The following PCDHGB2 variants were observed in gnomAD, a reference collection of about 807,000 sequenced individuals.
PCDHGB2 encodes protocadherin gamma-B2.
In PCDHGB2, 55 loss-of-function variants were observed where a neutral mutation model predicts 59.3. The observed-to-expected ratio is 0.93, with a 90% CI of 0.75 to 1.16. The LOEUF (loss-of-function observed/expected upper bound fraction) is 1.16. Among genes scored for constraint, PCDHGB2 ranks in the 50% most tolerant of loss-of-function variants. The pLI, the probability that PCDHGB2 is intolerant of heterozygous loss-of-function variation, is 0.00. For synonymous variants in PCDHGB2, 516 were observed against 512.0 expected, an observed-to-expected ratio of 1.01 and a Z score of -0.11; for missense variants, 1,228 against 1,198.5, an observed-to-expected ratio of 1.02 and a Z score of -0.36.
intron 1 of PCDHGB2, chr5:141,419,377 C>A (rs2096371335): frequency 6.2e-7 from 1 of 1,613,572 alleles, no homozygotes; most frequent in African/African-American, 1.3e-5. Flanking sequence ...CCTACGTGTC[C>A]GTGAGCGCGC....
chr5:141,388,923 T>C (rs374663443), intron 1 of PCDHGB2: 7 of 1,614,002 alleles, frequency 4.3e-6, no homozygotes, highest in East Asian at 2.2e-5. Context: ...AGAAGTGATA[T>C]TCCAGTCTCT....
chr5:141,504,224 C>T (rs2099836716), intron 2 of PCDHGB2, among the ~76,000 whole-genome samples: 2 of 152,160 alleles, frequency 1.3e-5, no homozygotes, highest in African/African-American at 4.8e-5. Flanking sequence ...TAGAGCTGAA[C>T]CTTCTAAGAA....
chr5:141,373,994 G>C lies in PCDHGB2; in HGVS notation c.2421+11438G>C, dbSNP rs1355942933. 8.0e-6 allele frequency: 10 copies of C among 1,243,924 alleles called. 1 individual carries two copies. Among genetic ancestry groups the C allele is most frequent in the African/African-American group, 3.0e-5 (2 of 65,694 alleles). The allele number at this position is 1,243,924 out of a possible 1,614,324, so 77.1% of individuals were successfully genotyped here. A position where few individuals can be genotyped will look rare whatever the true frequency, so the allele number is the denominator to read the frequency against. On this transcript the variant is annotated intron_variant, in intron 1 of 3. Transcript: ENST00000522605. ...CGCATCCGGTCTCTGCTTGTTGAAG[G>C]ACCTTCACCGCTATTTCTGAGAAGA...
chr5:141,393,382 T>C (rs778957877), intron 1 of PCDHGB2: 7 of 1,613,948 alleles, frequency 4.3e-6, no homozygotes, highest in Non-Finnish European at 5.9e-6. Flanking sequence ...AATGGAGCCA[T>C]AAACCCAGAG....
At position 141,381,228 on chromosome 5, in the gene PCDHGB2, A is replaced by G. The variant is rs182297381; in HGVS notation, c.2421+18672A>G. ...TCTGGATTCTCCTCCTGGTTCCACC[A>G]ACTACTCTCCAGGACCTAGAAGAAT... On this transcript the variant is annotated intron_variant, in intron 1 of 3. Transcript: ENST00000522605. Among the ~76,000 whole-genome samples, 8 of 152,396 alleles carry G rather than the reference A, an allele frequency of 5.2e-5. No individual in the cohort carries two copies. In the East Asian group the frequency reaches 1.5e-3, roughly 29 times the overall value.
At position 141,489,924 on chromosome 5, in the gene PCDHGB2, C is replaced by G. The variant is rs755286650; in HGVS notation, c.2422-4883C>G. ...CAGCCCGCTCAGGGACCACCCTTAT[C>G]TCTGTCATCGTGCTGGACATCAATG... is the stretch of plus-strand genomic sequence containing the variant. On this transcript the variant is annotated intron_variant, in intron 1 of 3. Transcript: ENST00000522605. This position sits in a 1 kb window ranked among gnomAD's most constrained non-coding sequence, Gnocchi z 4.5. 22 of 1,614,226 alleles carry G rather than the reference C, an allele frequency of 1.4e-5. No homozygotes were observed. The highest frequency in any genetic ancestry group is 1.9e-5 in the Non-Finnish European group (22 of 1,180,030).
intron 1 of PCDHGB2, chr5:141,423,333 C>T (rs761192305): frequency 3.1e-6 from 5 of 1,614,184 alleles, no homozygotes; most frequent in Non-Finnish European, 4.2e-6. Context: ...CCGCAGTCTC[C>T]TGCATCTTCC....
intron 1 of PCDHGB2, chr5:141,393,263 A>T: frequency 6.2e-7 from 1 of 1,613,926 alleles, no homozygotes; most frequent in African/African-American, 1.3e-5. Flanking sequence ...TTCCTGGAGC[A>T]CGTTATCCAC....
intron 1 of PCDHGB2, chr5:141,384,835 G>T: frequency 1.2e-6 from 2 of 1,613,468 alleles, no homozygotes; most frequent in Middle Eastern, 1.7e-4. Flanking sequence ...CGTGGTGGCC[G>T]TCCAGGACCA....
intron 1 of PCDHGB2, chr5:141,422,658 C>T (rs2096662185): frequency 6.2e-7 from 1 of 1,609,912 alleles, no homozygotes; most frequent in Non-Finnish European, 8.5e-7. Context: ...CAGTGACCGC[C>T]CTCGACCCGG....
intron 1 of PCDHGB2, among the ~76,000 whole-genome samples, chr5:141,470,451 T>C (rs2099230860): frequency 6.6e-6 from 1 of 152,210 alleles, no homozygotes; most frequent in Non-Finnish European, 1.5e-5. Context: ...AATAGCATCT[T>C]GAATAGGATT....
intron 1 of PCDHGB2, chr5:141,395,376 T>G (rs1589259426): frequency 1.7e-6 from 2 of 1,180,196 alleles, no homozygotes; most frequent in East Asian, 5.2e-5. Flanking sequence ...TTTGGTGGTG[T>G]TACTATAAAA....
chr5:141,469,676 A>G (rs1227075639), intron 1 of PCDHGB2, among the ~76,000 whole-genome samples: 1 of 152,250 alleles, frequency 6.6e-6, no homozygotes, highest in African/African-American at 2.4e-5. Context: ...ATAAAACTAC[A>G]TATGCATTGG....
At chr5:141,478,117 C>T (rs1419172538) in intron 1 of PCDHGB2, 2 of 1,614,058 alleles carry the variant, frequency 1.2e-6, no homozygotes, top group East Asian at 4.5e-5. Flanking sequence ...TGTCAGTAAC[C>T]GAGGACTCTC....
intron 1 of PCDHGB2, chr5:141,366,857 T>C: frequency 6.9e-6 from 10 of 1,438,966 alleles, no homozygotes; most frequent in Non-Finnish European, 9.4e-6. Flanking sequence ...AGTGGAACAT[T>C]ATTTGCTGTA....
At position 141,362,136 on chromosome 5, in the gene PCDHGB2, C is replaced by G; in HGVS notation, c.2001C>G (p.Ser667Arg). The G allele has an allele frequency of 6.2e-7, 1 of 1,614,042 alleles. No homozygotes were observed. The highest frequency in any genetic ancestry group is 1.3e-5 in the African/African-American group (1 of 75,060). Residue 667 changes from serine (S) to arginine (R), a missense_variant, in exon 1 of 4, where the codon AGC (serine) becomes AGG (arginine). Coordinates refer to ENST00000522605, the MANE Select transcript of PCDHGB2 (RefSeq NM_018923.3). ...TATLHLIFADSLQEVLPDLSD... is the reference protein window; with the variant it reads ...TATLHLIFADRLQEVLPDLSD... ...CGCTGCACCTAATCTTCGCGGATAGCCTGCAAGAGGTATTGCCAGACCTCA... is the reference window on the plus strand; with the variant it reads ...CGCTGCACCTAATCTTCGCGGATAGGCTGCAAGAGGTATTGCCAGACCTCA...
chr5:141,391,896 G>A (rs2092439615), intron 1 of PCDHGB2: 1 of 152,128 alleles, frequency 6.6e-6, no homozygotes, highest in Non-Finnish European at 1.5e-5. Flanking sequence ...ATGGGATGGA[G>A]CTTTGCTTTT....
intron 1 of PCDHGB2, chr5:141,421,949 C>T (rs749189262): frequency 6.2e-6 from 10 of 1,612,856 alleles, no homozygotes; most frequent in Non-Finnish European, 6.8e-6. Flanking sequence ...GATCACATCC[C>T]AATGTTTACA....
intron 2 of PCDHGB2, among the ~76,000 whole-genome samples, chr5:141,501,110 G>A (rs1373404247): frequency 2.6e-5 from 4 of 151,908 alleles, no homozygotes; most frequent in Admixed American, 6.6e-5. Flanking sequence ...CTCGTGATCC[G>A]CCTGCCTCAG....
Sources: gnomAD v4.1 joint callset for allele counts (sites outside exome capture counted in the v4.1 genomes callset) on GRCh38, gnomAD v4.1.1 for gene constraint, Gnocchi (gnomAD v3.1) non-coding constraint, MANE v1.5 for transcripts, NCBI Gene and HGNC (gene_info 2026-07-23, HGNC 2026-07-21) for gene names.